KLHL36: variants seen among roughly 807,000 people sequenced by gnomAD.
KLHL36 encodes kelch-like protein 36.
KLHL36 carries 35 observed loss-of-function variants against 53.3 expected under a neutral mutation model. That is an observed-to-expected ratio of 0.66 (90% CI 0.50 to 0.87). The LOEUF (loss-of-function observed/expected upper bound fraction) is 0.87, where lower values mean the gene tolerates loss of function less well. Among genes scored for constraint, KLHL36 ranks in the 40% least tolerant of loss-of-function variants. The pLI, the probability that KLHL36 is intolerant of heterozygous loss-of-function variation, is 0.00. For missense variants in KLHL36, 864 were observed against 897.6 expected (o/e 0.96, Z 0.48); for synonymous variants, 472 against 398.9 (o/e 1.18, Z -2.18).
chr16:84,657,483 G>T lies in KLHL36; in HGVS notation c.676G>T (p.Ala226Ser). The T allele has an allele frequency of 6.2e-7, 1 of 1,607,574 alleles. No individual in the cohort carries two copies. The stretch of plus-strand genomic sequence containing the variant: ...GCTGACGCAGCAGCCCGAGCGCGAG[G>T]CCCACGCCCGCCAGGTGCTGGAGAA... ...QWLTQQPERE[A>S]HARQVLENIH... is the part of the protein sequence containing the mutation. Residue 226 changes from alanine (A) to serine (S), a missense_variant, in exon 3 of 5, where the codon GCC becomes TCC. Coordinates refer to ENST00000564996, the MANE Select transcript of KLHL36 (RefSeq NM_024731.4).
chr16:84,656,317 T>A (rs1907195892), intron 2 of KLHL36, among the ~76,000 whole-genome samples: 1 of 151,174 alleles, frequency 6.6e-6, no homozygotes, highest in East Asian at 2.0e-4. Context: ...TCTCCCAGGC[T>A]GGAGTGTAGT....
intron 4 of KLHL36, 132 bp downstream of exon 4, chr16:84,660,049 AGT>A: frequency 2.1e-6 from 2 of 934,478 alleles, no homozygotes; most frequent in Non-Finnish European, 3.3e-6. Flanking sequence ...TGTCAGGAAG[AGT>A]GGGTACACCA....
intron 4 of KLHL36, among the ~76,000 whole-genome samples, chr16:84,660,211 C>T (rs538953836): frequency 4.0e-4 from 61 of 152,292 alleles, no homozygotes; most frequent in Admixed American, 9.8e-4. Context: ...CTGAGGATCT[C>T]CCTGAGCTTG....
At chr16:84,654,771 C>A (rs1192078661) in intron 2 of KLHL36, among the ~76,000 whole-genome samples, 5 of 152,146 alleles carry the variant, frequency 3.3e-5, no homozygotes, top group African/African-American at 1.2e-4. Flanking sequence ...CCACCACAAC[C>A]AGCTAATTTT....
intron 2 of KLHL36, 132 bp downstream of exon 2, chr16:84,651,062 G>T: frequency 1.4e-6 from 1 of 691,274 alleles, no homozygotes; most frequent in African/African-American, 1.8e-5. Flanking sequence ...GACAAGTAAA[G>T]GTGGAAACGG....
chr16:84,650,799 A>C lies in KLHL36; in HGVS notation c.-16-53A>C. 2 of 1,325,686 alleles carry C rather than the reference A, an allele frequency of 1.5e-6. 1 individual carries two copies. Among genetic ancestry groups the C allele is most frequent in the African/African-American group, 2.9e-5 (2 of 68,284 alleles). 82.1% of individuals were successfully genotyped at this position (1,325,686 alleles called of 1,614,324 possible). ...TATCTGCTAGCAGGGCCTGAAATTA[A>C]TGAATGACCTAGAGTTATGACTGCA... On this transcript the variant is annotated intron_variant, in intron 1 of 4. Transcript: ENST00000564996.
intron 2 of KLHL36, among the ~76,000 whole-genome samples, chr16:84,655,703 C>T (rs369343704): frequency 3.9e-4 from 36 of 93,330 alleles, no homozygotes; most frequent in African/African-American, 1.4e-3. Flanking sequence ...GACCCTGTCT[C>T]AAAAAAAAAA....
chr16:84,651,593 C>T (rs180777011), intron 2 of KLHL36, among the ~76,000 whole-genome samples: 8 of 152,214 alleles, frequency 5.3e-5, no homozygotes, highest in Non-Finnish European at 7.4e-5. Flanking sequence ...CCTGTTTCCC[C>T]GTTATAAATA....
intron 4 of KLHL36, among the ~76,000 whole-genome samples, chr16:84,660,929 T>G (rs1360927612): frequency 6.6e-6 from 1 of 152,208 alleles, no homozygotes; most frequent in East Asian, 1.9e-4. Context: ...GCCATATTGA[T>G]CCTTTCTTAT....
chr16:84,656,802 A>C, intron 2 of KLHL36, 69 bp from the exon 3 acceptor site: 1 of 1,108,268 alleles, frequency 9.0e-7, no homozygotes, highest in South Asian at 1.4e-5. Flanking sequence ...AATGCTGGTC[A>C]GGACCCACTG....
chr16:84,657,153 A>T lies in KLHL36; in HGVS notation c.346A>T (p.Ile116Phe). Residue 116 changes from isoleucine to phenylalanine, a missense_variant, in exon 3 of 5, where the codon ATT becomes TTT. Ile to Phe is a conservative substitution (Grantham distance 21). Coordinates refer to ENST00000564996, the MANE Select transcript of KLHL36 (RefSeq NM_024731.4). ...GGELVLDGGN[I>F]DYVLETAHLL... The stretch of plus-strand genomic sequence containing the variant: ...GGAGCTGGTGCTGGATGGCGGCAAC[A>T]TTGACTACGTCCTGGAGACGGCTCA... 1.9e-6 allele frequency: 3 copies of T among 1,614,140 alleles called. No individual in the cohort carries two copies. The highest frequency in any genetic ancestry group is 2.5e-6 in the Non-Finnish European group (3 of 1,180,030).
Position 84,657,583 on chromosome 16 carries a change from A to T in KLHL36, c.776A>T (p.Lys259Met). 6.2e-7 allele frequency: 1 copy of T among 1,611,152 alleles called. No individual in the cohort carries two copies. Among genetic ancestry groups the T allele is most frequent in the Non-Finnish European group, 8.5e-7 (1 of 1,179,848 alleles). The change falls in exon 3 of 5, where the codon AAG becomes ATG. Residue 259 changes from lysine to methionine, a missense_variant. By Grantham distance (95) the Lys-to-Met change is moderately conservative (BLOSUM62 -1). Transcript: ENST00000564996. ...VKPAVCSLLP[K>M]EANCEGFIEE... ...CCGGCCGTGTGCTCGCTGCTGCCCA[A>T]GGAGGCCAACTGCGAGGGCTTCATC...
Position 84,661,489 on chromosome 16 carries a change from C to G in KLHL36, c.1296-89C>G. On this transcript the variant is annotated intron_variant, in intron 4 of 4. Transcript: ENST00000564996. The surrounding 1 kb of genome is among the most constrained non-coding windows in gnomAD (Gnocchi z 7.9). ...TATATTCTTAAATCCTCATGGCCCTCTAAGACGGCAGGCTGTTCCCCGGCT... is the reference window on the plus strand; with the variant it reads ...TATATTCTTAAATCCTCATGGCCCTGTAAGACGGCAGGCTGTTCCCCGGCT... The G allele has an allele frequency of 1.5e-6, 2 of 1,347,690 alleles. No homozygotes were observed. The highest frequency in any genetic ancestry group is 1.4e-5 in the South Asian group (1 of 73,996). The allele number at this position is 1,347,690 out of a possible 1,614,324, so 83.5% of individuals were successfully genotyped here.
At position 84,662,859 on chromosome 16, in the gene KLHL36, A is replaced by G. The variant is rs1907640039; in HGVS notation, c.*726A>G. ...ATAATTCCGTCTTTCCTCATTGGAAACCTTCTTGAATTCTAAAACGTTACA... is the reference window on the plus strand; with the variant it reads ...ATAATTCCGTCTTTCCTCATTGGAAGCCTTCTTGAATTCTAAAACGTTACA... On this transcript the variant is annotated 3_prime_UTR_variant, in exon 5 of 5. Transcript: ENST00000564996. 7.0e-6 allele frequency: 1 copy of G among 143,676 alleles called. No homozygotes were observed. 8.9% of individuals were successfully genotyped at this position (143,676 alleles called of 1,614,324 possible).
At chr16:84,650,657 G>A (rs545927232) in intron 1 of KLHL36, among the ~76,000 whole-genome samples, 195 bp from the exon 2 acceptor site, 5 of 152,206 alleles carry the variant, frequency 3.3e-5, no homozygotes, top group East Asian at 3.9e-4. Flanking sequence ...GGAGTTAAAT[G>A]TTCTGTCCAA....
At position 84,657,548 on chromosome 16, in the gene KLHL36, C is replaced by T. The variant is rs774249868; in HGVS notation, c.741C>T (p.His247=). ...TCATCCCCAAGAACGACCTGCTGCA[C>T]CGCGTCAAGCCGGCCGTGTGCTCGC... ...FPLIPKNDLL[H]RVKPAVCSLL... Residue 247 remains histidine (H), a synonymous_variant, in exon 3 of 5, where the codon CAC becomes CAT. Coordinates refer to ENST00000564996, the MANE Select transcript of KLHL36 (RefSeq NM_024731.4). 6.2e-7 allele frequency: 1 copy of T among 1,610,404 alleles called. No homozygotes were observed. The highest frequency in any genetic ancestry group is 1.1e-5 in the South Asian group (1 of 91,080).
chr16:84,656,251 G>GTTTGT (rs902474851), intron 2 of KLHL36, among the ~76,000 whole-genome samples: 4 of 149,224 alleles, frequency 2.7e-5, no homozygotes, highest in Admixed American at 6.6e-5. Flanking sequence ...GTTTTTTCTT[G>GTTTGT]TTTGTTTTGT....
rs1483586504 is a variant in KLHL36, at chr16:84,661,628, C to T, written c.1346C>T (p.Ser449Leu). 3 of 1,611,714 alleles carry T rather than the reference C, an allele frequency of 1.9e-6. No homozygotes were observed. The highest frequency in any genetic ancestry group is 2.5e-6 in the Non-Finnish European group (3 of 1,179,118). The change falls in exon 5 of 5, where the codon TCG becomes TTG. Residue 449 changes from serine (S) to leucine (L), a missense_variant. Ser to Leu is a moderately radical substitution (Grantham distance 145, BLOSUM62 -2). Transcript: ENST00000564996. This position sits in a 1 kb window ranked among gnomAD's most constrained non-coding sequence, Gnocchi z 7.9. ...GTIYKDFVYI[S>L]GGHDYQIGPY... ...ATCTACAAAGACTTCGTGTACATCT[C>T]GGGGGGCCACGACTACCAAATTGGC...
chr16:84,662,072 C>G lies in KLHL36; in HGVS notation c.1790C>G (p.Pro597Arg), dbSNP rs1294307789. ...TCCGCCTGTGTCTGCGCCCTGGAGC[C>G]ACGGCCAGAGGACAAGAAGAAGAAA... ...GGSACVCALEPRPEDKKKKGK... is the reference protein window; with the variant it reads ...GGSACVCALERRPEDKKKKGK... The change falls in exon 5 of 5, where the codon CCA (proline) becomes CGA (arginine). Residue 597 changes from proline to arginine, a missense_variant. Pro to Arg is a moderately radical substitution (Grantham distance 103). Coordinates refer to ENST00000564996, the MANE Select transcript of KLHL36 (RefSeq NM_024731.4). 1 of 1,577,388 alleles carries G rather than the reference C, an allele frequency of 6.3e-7. No individual in the cohort carries two copies. The highest frequency in any genetic ancestry group is 8.6e-7 in the Non-Finnish European group (1 of 1,160,790).
Sources: gnomAD v4.1 joint callset for allele counts (sites outside exome capture counted in the v4.1 genomes callset) on GRCh38, gnomAD v4.1.1 for gene constraint, Gnocchi (gnomAD v3.1) non-coding constraint, MANE v1.5 for transcripts, NCBI Gene and HGNC (gene_info 2026-07-23, HGNC 2026-07-21) for gene names.